Variants in CSMD3 observed in about 807,000 individuals in gnomAD.
CSMD3 encodes CUB and Sushi multiple domains 3.
A neutral mutation model predicts 435.2 loss-of-function variants in CSMD3; 177 were observed. The ratio of observed to expected loss-of-function variants is 0.41; its 90% CI spans 0.36 to 0.46. The LOEUF is 0.46. CSMD3 is among the 20% of genes least tolerant of loss of function. The pLI is 0.34. For missense variants in CSMD3, 4,265 were observed against 4,504.6 expected, an observed-to-expected ratio of 0.95 and a Z score of 1.52; for synonymous variants, 1,656 against 1,520.5, an observed-to-expected ratio of 1.09 and a Z score of -2.07.
At chr8:113,074,589 C>T (rs2089264571) in intron 5 of CSMD3, among the ~76,000 whole-genome samples, 2 of 151,916 alleles carry the variant, frequency 1.3e-5, no homozygotes, top group South Asian at 4.1e-4. Flanking sequence ...ATCTTACTTG[C>T]TATAGTTAGT....
intron 22 of CSMD3, among the ~76,000 whole-genome samples, chr8:112,624,270 C>T (rs926951910): frequency 5.9e-5 from 9 of 152,062 alleles, no homozygotes; most frequent in Middle Eastern, 6.8e-3. Flanking sequence ...TTATAGAAAT[C>T]GATATCCTGA....
At chr8:112,369,169 G>C (rs1416552098) in intron 38 of CSMD3, among the ~76,000 whole-genome samples, 1 of 151,518 alleles carries the variant, frequency 6.6e-6, no homozygotes, top group African/African-American at 2.4e-5. Flanking sequence ...CTCAAATATT[G>C]GTTCTTTTCA....
chr8:112,479,747 T>C (rs1341671573), intron 31 of CSMD3, among the ~76,000 whole-genome samples: 2 of 152,224 alleles, frequency 1.3e-5, no homozygotes, highest in Non-Finnish European at 2.9e-5. Context: ...TGTCAACTTC[T>C]GCCTAAATGT....
intron 27 of CSMD3, among the ~76,000 whole-genome samples, chr8:112,518,008 C>A (rs1217342017): frequency 6.6e-6 from 1 of 152,118 alleles, no homozygotes; most frequent in Non-Finnish European, 1.5e-5. Flanking sequence ...TAACTAGGAA[C>A]AACCCAAATG....
rs1317136552 is a variant in CSMD3, at chr8:112,224,894, A to G, written c.11001T>C (p.Val3667=). ...APKTQYTGCS[V]HENNNGQAAF... The stretch of plus-strand genomic sequence containing the variant: ...CTGCTTGGCCATTGTTATTTTCATG[A>G]ACTGAACATCCTGTATACTGTGTTT... The change falls in exon 71 of 71, where the codon GTT becomes GTC. Residue 3667 remains valine, a synonymous_variant. Coordinates refer to ENST00000297405, the MANE Select transcript of CSMD3 (RefSeq NM_198123.2). 1 of 1,614,034 alleles carries G rather than the reference A, an allele frequency of 6.2e-7. No individual in the cohort carries two copies. Among genetic ancestry groups the G allele is most frequent in the South Asian group, 1.1e-5 (1 of 91,086 alleles).
At chr8:113,312,134 A>G (rs2132656830) in intron 2 of CSMD3, 1 of 152,260 alleles carries the variant, frequency 6.6e-6, no homozygotes. Flanking sequence ...AATTATATAT[A>G]TTGAAGAGCT....
intron 1 of CSMD3, among the ~76,000 whole-genome samples, chr8:113,397,891 T>C (rs2094491349): frequency 1.3e-5 from 2 of 151,928 alleles, no homozygotes; most frequent in African/African-American, 4.8e-5. Flanking sequence ...TGGAAATAAA[T>C]AGACAGCTGA....
At chr8:112,399,640 T>C (rs1021669080) in intron 35 of CSMD3, among the ~76,000 whole-genome samples, 7 of 152,144 alleles carry the variant, frequency 4.6e-5, no homozygotes, top group Non-Finnish European at 8.8e-5. Context: ...TTTGCTTAGA[T>C]ATTTTCTCAG....
chr8:112,773,146 C>G (rs1451931759), intron 13 of CSMD3, among the ~76,000 whole-genome samples: 1 of 151,490 alleles, frequency 6.6e-6, no homozygotes, highest in Non-Finnish European at 1.5e-5. Flanking sequence ...CCCACCCGTT[C>G]AAAAACAGGA....
intron 22 of CSMD3, among the ~76,000 whole-genome samples, chr8:112,590,728 A>AT (rs67750271): frequency 0.17 from 25,284 of 151,824 alleles, 2,663 homozygotes; most frequent in South Asian, 0.29. Flanking sequence ...CATTTATAAA[A>AT]TTTTTTGAGA....
At position 112,638,793 on chromosome 8, in the gene CSMD3, T is replaced by C; in HGVS notation, c.3429A>G (p.Pro1143=). 1.9e-6 allele frequency: 3 copies of C among 1,612,838 alleles called. No individual in the cohort carries two copies. The highest frequency in any genetic ancestry group is 2.5e-6 in the Non-Finnish European group (3 of 1,179,092). The change falls in exon 21 of 71, where the codon CCA becomes CCG. Residue 1143 remains proline, a synonymous_variant. Coordinates refer to ENST00000297405, the MANE Select transcript of CSMD3 (RefSeq NM_198123.2). ...TTCCATAGAGACCAGCATTGATTGT[T>C]GGAGGAAGATCTGAACCAGTCAGGC... ...LARLTGSDLP[P]TINAGLYGNF... is the part of the protein sequence containing the mutation.
At chr8:112,899,748 G>A (rs2082057997) in intron 10 of CSMD3, among the ~76,000 whole-genome samples, 1 of 143,540 alleles carries the variant, frequency 7.0e-6, no homozygotes, top group Non-Finnish European at 1.5e-5. Flanking sequence ...CTTCAGGTAG[G>A]GACATTTCTC....
intron 35 of CSMD3, among the ~76,000 whole-genome samples, chr8:112,404,531 A>G (rs1586210699): frequency 6.6e-6 from 1 of 152,078 alleles, no homozygotes; most frequent in African/African-American, 2.4e-5. Context: ...CCATAAAAAA[A>G]AAAAAAATTA....
intron 13 of CSMD3, among the ~76,000 whole-genome samples, chr8:112,737,789 T>A (rs552420892): frequency 6.6e-6 from 1 of 151,962 alleles, no homozygotes; most frequent in East Asian, 1.9e-4. Context: ...TAAAGGAAGC[T>A]TTACCTGCAA....
chr8:112,255,278 T>G lies in CSMD3; in HGVS notation c.10012A>C (p.Ser3338Arg). The change falls in exon 62 of 71, where the codon AGT becomes CGT. Residue 3338 changes from serine (S) to arginine (R), a missense_variant. By Grantham distance (110) the Ser-to-Arg change is moderately radical. This residue lies in a region of CSMD3 where 3,255 missense variants were observed against 3,380.2 expected (regional missense o/e 0.96). Transcript: ENST00000297405. ...TRICQADGTW[S>R]GSSPHCIEPT... ...CCTATGCAGTGAGGTGATGAACCAC[T>G]CCAAGTGCCATCTGCTTGACATATT... 1 of 1,613,586 alleles carries G rather than the reference T, an allele frequency of 6.2e-7. No homozygotes were observed. Among genetic ancestry groups the G allele is most frequent in the Non-Finnish European group, 8.5e-7 (1 of 1,179,652 alleles).
At chr8:113,040,150 G>T (rs899732788) in intron 5 of CSMD3, among the ~76,000 whole-genome samples, 1 of 152,082 alleles carries the variant, frequency 6.6e-6, no homozygotes, top group Admixed American at 6.6e-5. Context: ...TATGAAGGAA[G>T]TGAAGACGTA....
chr8:112,388,560 A>G (rs924077256), intron 36 of CSMD3, among the ~76,000 whole-genome samples: 1 of 152,174 alleles, frequency 6.6e-6, no homozygotes, highest in African/African-American at 2.4e-5. Context: ...GAAAGAGAAC[A>G]CTGAGAAAGT....
At chr8:113,330,199 T>G (rs77351211) in intron 1 of CSMD3, among the ~76,000 whole-genome samples, 77 of 152,198 alleles carry the variant, frequency 5.1e-4, no homozygotes, top group African/African-American at 1.8e-3. Context: ...GAAAGCACAT[T>G]GCTGCAAATA....
chr8:112,855,519 A>G (rs144398649), intron 11 of CSMD3, among the ~76,000 whole-genome samples: 152 of 152,198 alleles, frequency 1.0e-3, no homozygotes, highest in African/African-American at 3.5e-3. Context: ...TTTAATTAAA[A>G]TTGGCCTATA....
Sources: gnomAD v4.1 joint callset for allele counts (sites outside exome capture counted in the v4.1 genomes callset) on GRCh38, gnomAD v4.1.1 for gene constraint, gnomAD v4.1.1 regional missense constraint, MANE v1.5 for transcripts, NCBI Gene and HGNC (gene_info 2026-07-23, HGNC 2026-07-21) for gene names.